The following DOCK3 variants were observed in gnomAD, a reference collection of about 807,000 sequenced individuals.
DOCK3 encodes the protein dedicator of cytokinesis protein 3.
Under a neutral mutation model 265.6 loss-of-function variants are expected in DOCK3, and 60 were observed. The ratio of observed to expected loss-of-function variants is 0.23; its 90% CI spans 0.18 to 0.28. The LOEUF (loss-of-function observed/expected upper bound fraction) is 0.28, where lower values mean the gene tolerates loss of function less well. Ranked by LOEUF, DOCK3 falls within the 10% of genes least tolerant of loss-of-function variation. DOCK3 has a pLI of 1.00. For missense variants in DOCK3, 1,981 were observed against 2,594.3 expected (o/e 0.76, Z 5.14); for synonymous variants, 881 against 938.0 (o/e 0.94, Z 1.11).
intron 2 of DOCK3, among the ~76,000 whole-genome samples, chr3:50,838,954 G>A (rs2045667647): frequency 6.6e-6 from 1 of 152,178 alleles, no homozygotes; most frequent in South Asian, 2.1e-4. Flanking sequence ...GAATTCTCAT[G>A]TGCACCTGAT....
intron 3 of DOCK3, among the ~76,000 whole-genome samples, chr3:50,864,446 A>G (rs1207198078): frequency 6.6e-6 from 1 of 152,148 alleles, no homozygotes; most frequent in African/African-American, 2.4e-5. Flanking sequence ...TTAGTTTGAT[A>G]TAATCCCATT....
intron 14 of DOCK3, among the ~76,000 whole-genome samples, chr3:51,216,524 C>T (rs756366968): frequency 1.3e-5 from 2 of 152,108 alleles, no homozygotes; most frequent in African/African-American, 2.4e-5. Flanking sequence ...GTGCTGTAGC[C>T]GAAAGTAAGG....
At chr3:50,970,946 T>TAA (rs1559878890) in intron 5 of DOCK3, among the ~76,000 whole-genome samples, 49 of 71,282 alleles carry the variant, frequency 6.9e-4, no homozygotes, top group South Asian at 1.6e-3. Context: ...TATATATATA[T>TAA]AATGTGTGTG....
At chr3:51,019,688 TCTC>T (rs1172995039) in intron 5 of DOCK3, among the ~76,000 whole-genome samples, 1 of 147,930 alleles carries the variant, frequency 6.8e-6, no homozygotes, top group Non-Finnish European at 1.5e-5. Context: ...ATCCATATGT[TCTC>T]ATCATTCAGC....
At chr3:51,201,659 G>A (rs1418181111) in intron 12 of DOCK3, among the ~76,000 whole-genome samples, 6 of 152,044 alleles carry the variant, frequency 3.9e-5, no homozygotes, top group South Asian at 2.1e-4. Flanking sequence ...ACTCAGCTCC[G>A]CACCAAGCAG....
chr3:51,284,920 C>G (rs931238360), intron 27 of DOCK3, among the ~76,000 whole-genome samples: 1 of 152,192 alleles, frequency 6.6e-6, no homozygotes, highest in Non-Finnish European at 1.5e-5. Flanking sequence ...AGACATACAA[C>G]GTTTGCAACA....
chr3:51,175,283 G>A (rs1452752263), intron 12 of DOCK3, among the ~76,000 whole-genome samples: 1 of 152,156 alleles, frequency 6.6e-6, no homozygotes, highest in East Asian at 1.9e-4. Flanking sequence ...AAGATCCAAA[G>A]TCAGACTAAG....
chr3:50,849,365 T>C (rs571120754), intron 3 of DOCK3, among the ~76,000 whole-genome samples: 6 of 149,880 alleles, frequency 4.0e-5, no homozygotes, highest in Non-Finnish European at 7.4e-5. Context: ...CACACACACA[T>C]ACACACGCAC....
chr3:51,030,939 AC>A (rs934374963), intron 5 of DOCK3, among the ~76,000 whole-genome samples: 1 of 152,116 alleles, frequency 6.6e-6, no homozygotes, highest in African/African-American at 2.4e-5. Flanking sequence ...ATGTTGGGCT[AC>A]CCCACTGAGT....
chr3:51,023,912 T>G (rs1302467783), intron 5 of DOCK3, among the ~76,000 whole-genome samples: 2 of 152,234 alleles, frequency 1.3e-5, no homozygotes, highest in Non-Finnish European at 2.9e-5. Flanking sequence ...TGGAGAGCTA[T>G]TGTGACATTT....
At chr3:50,963,955 GC>G (rs1350332757) in intron 5 of DOCK3, among the ~76,000 whole-genome samples, 1 of 152,168 alleles carries the variant, frequency 6.6e-6, no homozygotes, top group Non-Finnish European at 1.5e-5. Context: ...TGCTCATCAG[GC>G]ATCATGTGAG....
intron 5 of DOCK3, among the ~76,000 whole-genome samples, chr3:51,009,618 T>C (rs1302193363): frequency 1.3e-5 from 2 of 152,248 alleles, no homozygotes; most frequent in African/African-American, 4.8e-5. Flanking sequence ...TCTATCTCCT[T>C]CAGTTCTGCT....
rs17051734 is a variant in DOCK3, at chr3:51,340,217, G to A, written c.3767-1020G>A. On this transcript the variant is annotated intron_variant, in intron 37 of 52. Coordinates refer to ENST00000266037, the MANE Select transcript of DOCK3 (RefSeq NM_004947.5). ...GGTCAGGGATTTTAACAGAGAAAGAGTGCTAAGCCTTGTCTCTGATGGCTC... is the reference window on the plus strand; with the variant it reads ...GGTCAGGGATTTTAACAGAGAAAGAATGCTAAGCCTTGTCTCTGATGGCTC... 6.1e-3 allele frequency among the ~76,000 whole-genome samples: 922 copies of A among 152,342 alleles called. 24 individuals are homozygous for A. Among genetic ancestry groups the A allele is most frequent in the East Asian group, 0.049 (253 of 5,180 alleles).
At chr3:50,966,484 T>G (rs866071638) in intron 5 of DOCK3, among the ~76,000 whole-genome samples, 2 of 1,920 alleles carry the variant, frequency 1.0e-3, no homozygotes, top group African/African-American at 3.6e-3. Flanking sequence ...TTATCTCTTG[T>G]TTTTTTTTTT....
intron 3 of DOCK3, among the ~76,000 whole-genome samples, chr3:50,845,688 T>G (rs955714532): frequency 1.3e-4 from 20 of 152,170 alleles, no homozygotes; most frequent in African/African-American, 4.3e-4. Context: ...ACAGTATAAC[T>G]ATAAAATAGG....
At chr3:50,761,039 C>T (rs1485440979) in intron 1 of DOCK3, among the ~76,000 whole-genome samples, 11 of 151,984 alleles carry the variant, frequency 7.2e-5, no homozygotes, top group Non-Finnish European at 1.6e-4. Flanking sequence ...CTTGGCTTCC[C>T]AAAGTGCTGG....
intron 1 of DOCK3, among the ~76,000 whole-genome samples, chr3:50,731,181 A>G (rs1191501782): frequency 6.6e-6 from 1 of 152,112 alleles, no homozygotes; most frequent in East Asian, 1.9e-4. Context: ...AATCCCCTTA[A>G]TATTAACAAT....
intron 22 of DOCK3, among the ~76,000 whole-genome samples, chr3:51,255,052 G>T (rs1015441833): frequency 6.6e-6 from 1 of 152,172 alleles, no homozygotes; most frequent in Admixed American, 6.5e-5. Flanking sequence ...GCTCTTGTAA[G>T]GCAGGCCTGG....
intron 1 of DOCK3, among the ~76,000 whole-genome samples, chr3:50,731,523 T>C (rs1240951473): frequency 6.6e-6 from 1 of 152,236 alleles, no homozygotes; most frequent in African/African-American, 2.4e-5. Flanking sequence ...TACCTTTTTC[T>C]TAATTTTCCT....
Sources: gnomAD v4.1 joint callset for allele counts (sites outside exome capture counted in the v4.1 genomes callset) on GRCh38, gnomAD v4.1.1 for gene constraint, MANE v1.5 for transcripts, NCBI Gene and HGNC (gene_info 2026-07-23, HGNC 2026-07-21) for gene names.